Variants in CAMKMT observed in about 807,000 individuals in gnomAD.
The protein encoded by CAMKMT is calmodulin-lysine N-methyltransferase.
In CAMKMT, 53 loss-of-function variants were observed where a neutral mutation model predicts 48.0. The observed-to-expected ratio is 1.10, with a 90% CI of 0.89 to 1.39. CAMKMT has a LOEUF of 1.39. Ranked by LOEUF, CAMKMT falls within the 40% of genes most tolerant of loss-of-function variation. The probability of loss-of-function intolerance (pLI) is 0.00; values close to 1 mark genes in which losing one functional copy is unlikely to be tolerated. For missense variants in CAMKMT, 428 were observed against 402.7 expected, an observed-to-expected ratio of 1.06 and a Z score of -0.54; for synonymous variants, 165 against 152.3, an observed-to-expected ratio of 1.08 and a Z score of -0.61.
chr2:44,385,156 T>C (rs1157652264), intron 2 of CAMKMT, among the ~76,000 whole-genome samples: 1 of 152,188 alleles, frequency 6.6e-6, no homozygotes, highest in African/African-American at 2.4e-5. Context: ...GTGATTTCTT[T>C]CAGCTGTGTT....
At chr2:44,383,673 C>T (rs1085490) in intron 2 of CAMKMT, among the ~76,000 whole-genome samples, 80,368 of 151,886 alleles carry the variant, frequency 0.53, 23,445 homozygotes, top group Non-Finnish European at 0.66. Context: ...TTGTATCATT[C>T]TTATGCCTTT....
chr2:44,579,010 T>C (rs1669393962), intron 3 of CAMKMT, among the ~76,000 whole-genome samples: 1 of 152,200 alleles, frequency 6.6e-6, no homozygotes, highest in South Asian at 2.1e-4. Context: ...CAAAGCTCCA[T>C]TTGTGACTGA....
At chr2:44,474,834 C>A (rs1668604909) in intron 3 of CAMKMT, among the ~76,000 whole-genome samples, 1 of 152,162 alleles carries the variant, frequency 6.6e-6, no homozygotes, top group Non-Finnish European at 1.5e-5. Context: ...TTCTCTATTT[C>A]CGTTTTTGCT....
At chr2:44,583,459 C>T (rs1222449511) in intron 3 of CAMKMT, among the ~76,000 whole-genome samples, 1 of 152,186 alleles carries the variant, frequency 6.6e-6, no homozygotes, top group South Asian at 2.1e-4. Context: ...AGGACAGGGA[C>T]CTTTAAAAAT....
chr2:44,363,031 C>T (rs1224399751), intron 1 of CAMKMT, among the ~76,000 whole-genome samples: 1 of 152,190 alleles, frequency 6.6e-6, no homozygotes, highest in Non-Finnish European at 1.5e-5. Flanking sequence ...CCAGCTATTG[C>T]CACTTTACTT....
At chr2:44,387,108 G>A (rs1320356534) in intron 2 of CAMKMT, among the ~76,000 whole-genome samples, 1 of 152,140 alleles carries the variant, frequency 6.6e-6, no homozygotes, top group East Asian at 1.9e-4. Context: ...AGTGCTGTCA[G>A]TGGAGTATTG....
At chr2:44,615,022 G>C (rs576352642) in intron 3 of CAMKMT, among the ~76,000 whole-genome samples, 84 of 134,666 alleles carry the variant, frequency 6.2e-4, no homozygotes, top group Non-Finnish European at 1.1e-3. Context: ...AGCTCACCTG[G>C]GCTCAAGCAA....
intron 3 of CAMKMT, among the ~76,000 whole-genome samples, chr2:44,441,404 C>A (rs1375831246): frequency 6.6e-6 from 1 of 152,106 alleles, no homozygotes; most frequent in African/African-American, 2.4e-5. Flanking sequence ...TAATCCTTAG[C>A]CTGTGTCATC....
intron 3 of CAMKMT, chr2:44,550,775 C>T (rs1007030002): frequency 6.6e-6 from 1 of 152,098 alleles, no homozygotes; most frequent in Non-Finnish European, 1.5e-5. Flanking sequence ...AATGATTAAA[C>T]CAGTGATACA....
intron 1 of CAMKMT, among the ~76,000 whole-genome samples, chr2:44,362,790 T>C (rs1225396664): frequency 1.3e-5 from 2 of 152,244 alleles, no homozygotes; most frequent in South Asian, 2.1e-4. Context: ...TTTTGAATGA[T>C]GGTATCTTCT....
intron 10 of CAMKMT, among the ~76,000 whole-genome samples, chr2:44,768,224 G>A (rs1221728212): frequency 2.0e-5 from 3 of 151,904 alleles, no homozygotes; most frequent in South Asian, 4.2e-4. Context: ...GCTGACATTG[G>A]TACATTGGAC....
chr2:44,448,309 T>A (rs1226820299), intron 3 of CAMKMT, among the ~76,000 whole-genome samples: 1 of 152,202 alleles, frequency 6.6e-6, no homozygotes, highest in Non-Finnish European at 1.5e-5. Flanking sequence ...TATCTGCACA[T>A]TTCAAACCTG....
At chr2:44,621,361 A>C (rs1672185995) in intron 3 of CAMKMT, among the ~76,000 whole-genome samples, 1 of 151,666 alleles carries the variant, frequency 6.6e-6, no homozygotes, top group South Asian at 2.1e-4. Context: ...TTCCTGACTC[A>C]GGGTCTTTCC....
intron 3 of CAMKMT, among the ~76,000 whole-genome samples, chr2:44,421,463 T>C (rs1366122057): frequency 6.6e-6 from 1 of 152,108 alleles, no homozygotes; most frequent in African/African-American, 2.4e-5. Flanking sequence ...AATAAACATA[T>C]CTTCAAATTT....
chr2:44,505,109 T>C (rs1210868288), intron 3 of CAMKMT, among the ~76,000 whole-genome samples: 1 of 152,192 alleles, frequency 6.6e-6, no homozygotes, highest in Non-Finnish European at 1.5e-5. Context: ...CATTTGTGAA[T>C]GATCCCATCC....
At chr2:44,478,702 CTTTT>C (rs11323347) in intron 3 of CAMKMT, among the ~76,000 whole-genome samples, 16 of 106,376 alleles carry the variant, frequency 1.5e-4, no homozygotes, top group Admixed American at 4.0e-4. Flanking sequence ...TCTTTTCTTC[CTTTT>C]TTTTTTTTTT....
At chr2:44,525,534 G>A (rs904239149) in intron 3 of CAMKMT, among the ~76,000 whole-genome samples, 7 of 152,252 alleles carry the variant, frequency 4.6e-5, no homozygotes, top group African/African-American at 1.4e-4. Flanking sequence ...GATTACAGGC[G>A]TGAGCCACCA....
intron 3 of CAMKMT, among the ~76,000 whole-genome samples, chr2:44,593,724 C>T (rs922470190): frequency 1.6e-4 from 24 of 149,674 alleles, no homozygotes; most frequent in Non-Finnish European, 3.0e-5. Flanking sequence ...TGAATAAAAG[C>T]AGAAGTCTCC....
At chr2:44,519,124 C>G (rs3862996) in intron 3 of CAMKMT, among the ~76,000 whole-genome samples, 87,141 of 152,006 alleles carry the variant, frequency 0.57, 25,528 homozygotes, top group Middle Eastern at 0.64. Context: ...CTATCACAAA[C>G]CACCATGAGA....
Sources: allele counts gnomAD v4.1 joint callset (sites outside exome capture counted in the v4.1 genomes callset), GRCh38; gene constraint gnomAD v4.1.1; transcripts MANE v1.5; gene names NCBI Gene and HGNC (gene_info 2026-07-23, HGNC 2026-07-21).